The following ZNF804A variants were observed in gnomAD, a reference collection of about 807,000 sequenced individuals.
The protein encoded by ZNF804A is zinc finger protein 804A.
A neutral mutation model predicts 16.5 loss-of-function variants in ZNF804A; 2 were observed. The observed-to-expected ratio is 0.12, with a 90% CI of 0.05 to 0.38. ZNF804A has a LOEUF of 0.38. Among genes scored for constraint, ZNF804A ranks in the 10% least tolerant of loss-of-function variants. ZNF804A has a pLI of 0.99. For synonymous variants in ZNF804A, 534 were observed against 489.6 expected (o/e 1.09, Z -1.20); for missense variants, 1,473 against 1,390.7 (o/e 1.06, Z -0.94).
intron 1 of ZNF804A, among the ~76,000 whole-genome samples, chr2:184,756,588 T>C (rs1024715114): frequency 6.6e-6 from 1 of 152,036 alleles, no homozygotes; most frequent in Non-Finnish European, 1.5e-5. Flanking sequence ...TTCTATGTAA[T>C]AATCATAAAG....
Position 184,814,023 on chromosome 2 carries a change from G to GTTTTTTTTTTTT in ZNF804A, c.112-52346_112-52345insTTTTTTTTTTTT, listed in dbSNP as rs1231774388. 1.6e-4 allele frequency among the ~76,000 whole-genome samples: 18 copies of GTTTTTTTTTTTT among 109,276 alleles called. 2 individuals are homozygous for GTTTTTTTTTTTT. Among genetic ancestry groups the GTTTTTTTTTTTT allele is most frequent in the Admixed American group, 3.3e-4 (3 of 9,118 alleles). 71.7% of individuals were successfully genotyped at this position (109,276 alleles called of 152,430 possible). A position where few individuals can be genotyped will look rare whatever the true frequency, so the allele number is the denominator to read the frequency against. On this transcript the variant is annotated intron_variant, in intron 1 of 3. Transcript: ENST00000302277. ...TTTTTTTTTTTTTTTTTTTTTTTTG[G>GTTTTTTTTTTTT]CTTGTCTACTACTCTGTTCCAAGCA...
At chr2:184,602,912 G>A (rs1045657086) in intron 1 of ZNF804A, among the ~76,000 whole-genome samples, 9 of 152,054 alleles carry the variant, frequency 5.9e-5, no homozygotes, top group Non-Finnish European at 1.2e-4. Context: ...TTAAGAGATG[G>A]TATTGTGTTA....
intron 1 of ZNF804A, among the ~76,000 whole-genome samples, chr2:184,600,411 T>G (rs1384446618): frequency 6.6e-6 from 1 of 152,222 alleles, no homozygotes; most frequent in African/African-American, 2.4e-5. Flanking sequence ...GGTTGTTGGT[T>G]GTTGTTGAAC....
intron 1 of ZNF804A, among the ~76,000 whole-genome samples, chr2:184,793,465 C>G (rs1475022877): frequency 1.3e-5 from 2 of 152,104 alleles, no homozygotes; most frequent in Admixed American, 1.3e-4. Context: ...GATAGCCACT[C>G]TGACTGGTGT....
At chr2:184,661,185 TC>T (rs1260444998) in intron 1 of ZNF804A, among the ~76,000 whole-genome samples, 1 of 152,166 alleles carries the variant, frequency 6.6e-6, no homozygotes, top group Non-Finnish European at 1.5e-5. Flanking sequence ...CTTTTTCTCT[TC>T]CATTTATTAA....
At chr2:184,892,113 A>T (rs905207615) in intron 2 of ZNF804A, among the ~76,000 whole-genome samples, 1 of 152,134 alleles carries the variant, frequency 6.6e-6, no homozygotes, top group African/African-American at 2.4e-5. Flanking sequence ...ATCAATGTTT[A>T]TTTTATAATT....
chr2:184,624,146 G>C (rs1691460829), intron 1 of ZNF804A, among the ~76,000 whole-genome samples: 1 of 152,020 alleles, frequency 6.6e-6, no homozygotes, highest in Non-Finnish European at 1.5e-5. Flanking sequence ...AGGAGTGTTG[G>C]CTCCATTTTT....
At chr2:184,693,128 C>T (rs1435303405) in intron 1 of ZNF804A, among the ~76,000 whole-genome samples, 2 of 152,082 alleles carry the variant, frequency 1.3e-5, no homozygotes, top group African/African-American at 2.4e-5. Context: ...TATATTATTT[C>T]TGCACATCTG....
chr2:184,609,874 A>G (rs980907260), intron 1 of ZNF804A, among the ~76,000 whole-genome samples: 1 of 152,228 alleles, frequency 6.6e-6, no homozygotes, highest in Admixed American at 6.5e-5. Flanking sequence ...TGTGCCCCTC[A>G]GACGGGAAAC....
rs1451108171 is a variant in ZNF804A, at chr2:184,709,409, A to G, written c.111+110339A>G. The stretch of plus-strand genomic sequence containing the variant: ...TAGAAAATTAAATGAATATCTATCT[A>G]TCTATCTATCTAATACTTCTGATTT... On this transcript the variant is annotated intron_variant, in intron 1 of 3. Transcript: ENST00000302277. Among the ~76,000 whole-genome samples the G allele has an allele frequency of 2.6e-5, 4 of 152,230 alleles. No homozygotes were observed. The South Asian group carries it at 6.2e-4, about 24-fold the overall frequency.
At chr2:184,687,498 A>T (rs901098231) in intron 1 of ZNF804A, among the ~76,000 whole-genome samples, 32 of 152,252 alleles carry the variant, frequency 2.1e-4, no homozygotes, top group African/African-American at 7.5e-4. Context: ...AGAAGTAAAT[A>T]TGTAAACTGT....
intron 1 of ZNF804A, among the ~76,000 whole-genome samples, chr2:184,641,163 C>T (rs1238697907): frequency 6.6e-6 from 1 of 152,034 alleles, no homozygotes; most frequent in East Asian, 1.9e-4. Context: ...CTATGTTGAC[C>T]AGGCTGCTCA....
intron 1 of ZNF804A, among the ~76,000 whole-genome samples, chr2:184,692,439 C>G (rs1692747647): frequency 6.6e-6 from 1 of 152,082 alleles, no homozygotes; most frequent in African/African-American, 2.4e-5. Flanking sequence ...AGCACAAAGA[C>G]AAGAAATTAT....
rs567444134 is a variant in ZNF804A at position 184,843,553 on chromosome 2, C to T, written c.112-22816C>T. ...CCTCCCAAAGTGCTGGGATTACAGG[C>T]GTGAGCCACCACACTTGGCCCTGCC... On this transcript the variant is annotated intron_variant, in intron 1 of 3. Coordinates refer to ENST00000302277, the MANE Select transcript of ZNF804A (RefSeq NM_194250.2). 3.3e-4 allele frequency among the ~76,000 whole-genome samples: 50 copies of T among 152,198 alleles called. 1 individual carries two copies. The highest frequency in any genetic ancestry group is 3.1e-3 in the Admixed American group (48 of 15,294).
chr2:184,718,100 G>C (rs894953862), intron 1 of ZNF804A, among the ~76,000 whole-genome samples: 1 of 152,144 alleles, frequency 6.6e-6, no homozygotes, highest in South Asian at 2.1e-4. Flanking sequence ...ACACATGGCT[G>C]GGGAGGCCTC....
intron 1 of ZNF804A, among the ~76,000 whole-genome samples, chr2:184,824,921 C>T (rs1695136018): frequency 6.6e-6 from 1 of 152,052 alleles, no homozygotes; most frequent in Non-Finnish European, 1.5e-5. Flanking sequence ...CCATTTGTGA[C>T]CTACTCTTAG....
At chr2:184,773,689 T>C (rs1350089984) in intron 1 of ZNF804A, among the ~76,000 whole-genome samples, 2 of 151,218 alleles carry the variant, frequency 1.3e-5, no homozygotes, top group Non-Finnish European at 3.0e-5. Flanking sequence ...AGACTACAGG[T>C]TGGGTACAAT....
At chr2:184,640,285 G>A (rs1447245592) in intron 1 of ZNF804A, among the ~76,000 whole-genome samples, 4 of 151,790 alleles carry the variant, frequency 2.6e-5, no homozygotes, top group East Asian at 3.9e-4. Context: ...AGGAGGAATG[G>A]TAATCTTTAT....
At chr2:184,758,711 G>A (rs1168300500) in intron 1 of ZNF804A, among the ~76,000 whole-genome samples, 1 of 151,896 alleles carries the variant, frequency 6.6e-6, no homozygotes. Flanking sequence ...TCTATATTAT[G>A]ACATAACTAA....
Sources: allele counts gnomAD v4.1 joint callset (sites outside exome capture counted in the v4.1 genomes callset), GRCh38; gene constraint gnomAD v4.1.1; transcripts MANE v1.5; gene names NCBI Gene and HGNC (gene_info 2026-07-23, HGNC 2026-07-21).